The following NR4A3 variants were observed in gnomAD, a reference collection of about 807,000 sequenced individuals.
The protein encoded by NR4A3 is chondrosarcoma, extraskeletal myxoid, fused to EWS.
A neutral mutation model predicts 55.6 loss-of-function variants in NR4A3; 13 were observed. The observed-to-expected ratio is 0.23, with a 90% confidence interval of 0.15 to 0.37. NR4A3 has a LOEUF of 0.37. Ranked by LOEUF, NR4A3 falls within the 10% of genes least tolerant of loss-of-function variation. The pLI is 1.00. For missense variants in NR4A3, 646 were observed against 822.8 expected (o/e 0.79, Z 2.63); for synonymous variants, 342 against 357.9 (o/e 0.96, Z 0.50).
chr9:99,857,747 C>CT (rs1827951284), intron 7 of NR4A3, among the ~76,000 whole-genome samples: 1 of 147,778 alleles, frequency 6.8e-6, no homozygotes, highest in Non-Finnish European at 1.5e-5. Context: ...GAGCAAGACT[C>CT]TGTCTCACAA....
chr9:99,848,193 C>T (rs1378346051), intron 7 of NR4A3, among the ~76,000 whole-genome samples: 6 of 152,190 alleles, frequency 3.9e-5, no homozygotes, highest in Non-Finnish European at 7.3e-5. Flanking sequence ...TGAGGTTTCC[C>T]CTGTCCCCAG....
chr9:99,828,513 C>G lies in NR4A3; in HGVS notation c.471C>G (p.Asp157Glu), dbSNP rs369896512. Residue 157 changes from aspartate to glutamate, a missense_variant, in exon 3 of 8, where the codon GAC (aspartate) becomes GAG (glutamate). By Grantham distance (45) the Asp-to-Glu change is conservative (BLOSUM62 2). This residue lies in a region of NR4A3 where 426 missense variants were observed against 429.4 expected (regional missense o/e 0.99). Coordinates refer to ENST00000395097, the MANE Select transcript of NR4A3 (RefSeq NM_006981.4). This position sits in a 1 kb window ranked among gnomAD's most constrained non-coding sequence, Gnocchi z 7.7. Reference sequence around the variant, plus strand: ...CCCCGCAGGCGGGGGCGTTATGGGACGAGGCACTGCCCTCGGCGCCCGGCT... The same window carrying G: ...CCCCGCAGGCGGGGGCGTTATGGGAGGAGGCACTGCCCTCGGCGCCCGGCT... ...AFPPQAGALW[D>E]EALPSAPGCI... The G allele has an allele frequency of 6.3e-7, 1 of 1,581,370 alleles. No homozygotes were observed. The highest frequency in any genetic ancestry group is 1.2e-5 in the South Asian group (1 of 85,946).
Position 99,865,311 on chromosome 9 carries a change from T to C in NR4A3, c.*1444T>C, listed in dbSNP as rs1280649950. 1 of 169,860 alleles carries C rather than the reference T, an allele frequency of 5.9e-6. No individual in the cohort carries two copies. The highest frequency in any genetic ancestry group is 1.1e-4 in the East Asian group (1 of 9,078). 10.5% of individuals were successfully genotyped at this position (169,860 alleles called of 1,614,324 possible). Reference sequence around the variant, plus strand: ...GAAATTAAATAAGCAAATATATATATATATATAAATATAGCAGGTTACATA... The same window carrying C: ...GAAATTAAATAAGCAAATATATATACATATATAAATATAGCAGGTTACATA... On this transcript the variant is annotated 3_prime_UTR_variant, in exon 8 of 8. Coordinates refer to ENST00000395097, the MANE Select transcript of NR4A3 (RefSeq NM_006981.4). The surrounding 1 kb of genome is among the most constrained non-coding windows in gnomAD (Gnocchi z 4.3).
chr9:99,824,593 C>A (rs915313950), intron 1 of NR4A3, among the ~76,000 whole-genome samples: 7 of 152,236 alleles, frequency 4.6e-5, no homozygotes, highest in Admixed American at 6.5e-5. Flanking sequence ...TTTCTCTCTT[C>A]CTGCAGGCAA....
In NR4A3 at chr9:99,847,630, G is replaced by T. The variant is rs370445188; in HGVS notation, c.1633+15G>T. On this transcript the variant is annotated intron_variant, in intron 7 of 7. Transcript: ENST00000395097. The stretch of plus-strand genomic sequence containing the variant: ...CATGATCACAGGTAAGCACCACCTT[G>T]CCAAAACCGCATCCTCATTTCTCTC... The T allele has an allele frequency of 1.4e-5, 22 of 1,610,738 alleles. No homozygotes were observed. The highest frequency in any genetic ancestry group is 2.5e-6 in the Non-Finnish European group (3 of 1,177,924).
chr9:99,827,290 GTA>G (rs56749651), intron 2 of NR4A3, among the ~76,000 whole-genome samples: 61,596 of 138,426 alleles, frequency 0.44, 12,507 homozygotes, highest in East Asian at 0.6. Flanking sequence ...GTGTGTGTGT[GTA>G]TATATATATA....
intron 7 of NR4A3, among the ~76,000 whole-genome samples, chr9:99,855,623 T>C (rs7020565): frequency 0.059 from 9,032 of 152,246 alleles, 886 homozygotes; most frequent in African/African-American, 0.2. Context: ...CACAGACTGC[T>C]GACTTGACTT....
chr9:99,840,719 G>A (rs1408538598), intron 5 of NR4A3, among the ~76,000 whole-genome samples: 1 of 152,152 alleles, frequency 6.6e-6, no homozygotes, highest in Non-Finnish European at 1.5e-5. Flanking sequence ...GAGCCTGGAT[G>A]AGGACCCCAT....
At chr9:99,861,868 A>C (rs888198304) in intron 7 of NR4A3, among the ~76,000 whole-genome samples, 2 of 152,128 alleles carry the variant, frequency 1.3e-5, no homozygotes, top group African/African-American at 4.8e-5. Flanking sequence ...AGGCAGGAGG[A>C]TCACTTGAGC....
At chr9:99,857,341 C>T (rs1178705702) in intron 7 of NR4A3, among the ~76,000 whole-genome samples, 1 of 152,122 alleles carries the variant, frequency 6.6e-6, no homozygotes, top group African/African-American at 2.4e-5. Context: ...AGGATACTTG[C>T]AAATATTCAC....
chr9:99,859,720 G>A (rs1445106376), intron 7 of NR4A3, among the ~76,000 whole-genome samples: 1 of 152,186 alleles, frequency 6.6e-6, no homozygotes, highest in East Asian at 1.9e-4. Context: ...GTTTGGCCAT[G>A]AGAAAGTCTG....
intron 5 of NR4A3, among the ~76,000 whole-genome samples, chr9:99,837,136 C>T (rs1257133130): frequency 6.6e-6 from 1 of 151,986 alleles, no homozygotes; most frequent in Admixed American, 6.6e-5. Context: ...AATTTTCTCC[C>T]ATTCTGTAGT....
At chr9:99,861,336 A>G (rs1385042179) in intron 7 of NR4A3, among the ~76,000 whole-genome samples, 2 of 152,250 alleles carry the variant, frequency 1.3e-5, no homozygotes, top group African/African-American at 4.8e-5. Context: ...CCTGGCTGAT[A>G]TAGTGAAACC....
intron 3 of NR4A3, 37 bp downstream of exon 3, chr9:99,829,030 C>G: frequency 7.7e-7 from 1 of 1,307,138 alleles, no homozygotes; most frequent in East Asian, 3.0e-5. Context: ...CGCACCCAGC[C>G]CCCTCACTGA....
At chr9:99,861,088 A>G (rs1454212633) in intron 7 of NR4A3, among the ~76,000 whole-genome samples, 1 of 152,272 alleles carries the variant, frequency 6.6e-6, no homozygotes, top group Non-Finnish European at 1.5e-5. Context: ...TGACAGAACC[A>G]GAACTAGAAC....
At chr9:99,856,706 A>G (rs560079600) in intron 7 of NR4A3, among the ~76,000 whole-genome samples, 47 of 152,334 alleles carry the variant, frequency 3.1e-4, no homozygotes, top group African/African-American at 1.1e-3. Flanking sequence ...TATGGGGACT[A>G]GGATTGACTA....
At chr9:99,861,105 C>A (rs1828001553) in intron 7 of NR4A3, among the ~76,000 whole-genome samples, 1 of 152,240 alleles carries the variant, frequency 6.6e-6, no homozygotes, top group Non-Finnish European at 1.5e-5. Context: ...GAACCTAGGT[C>A]TGTCTAACTC....
chr9:99,858,499 G>T (rs978611889), intron 7 of NR4A3, among the ~76,000 whole-genome samples: 9 of 152,208 alleles, frequency 5.9e-5, no homozygotes, highest in African/African-American at 1.9e-4. Context: ...TAACCCCAGT[G>T]GTTATAACAT....
At chr9:99,853,211 GTTA>G (rs1213637028) in intron 7 of NR4A3, among the ~76,000 whole-genome samples, 17 of 151,028 alleles carry the variant, frequency 1.1e-4, no homozygotes, top group African/African-American at 4.1e-4. Flanking sequence ...AACCTTCACT[GTTA>G]TTATTTGTTT....
Sources: allele counts gnomAD v4.1 joint callset (sites outside exome capture counted in the v4.1 genomes callset), GRCh38; gene constraint gnomAD v4.1.1; regional missense constraint gnomAD v4.1.1; non-coding constraint Gnocchi (gnomAD v3.1); transcripts MANE v1.5; gene names NCBI Gene and HGNC (gene_info 2026-07-23, HGNC 2026-07-21).